KLF1: variants seen among roughly 807,000 people sequenced by gnomAD.
KLF1 encodes KLF transcription factor 1, also known as Krueppel-like factor 1.
A neutral mutation model predicts 28.0 loss-of-function variants in KLF1; 29 were observed. That is an observed-to-expected ratio of 1.04 (90% CI 0.77 to 1.41). The LOEUF (loss-of-function observed/expected upper bound fraction) is 1.41, where lower values mean the gene tolerates loss of function less well. Among genes scored for constraint, KLF1 ranks in the 40% most tolerant of loss-of-function variants. KLF1 has a pLI of 0.00. For missense variants in KLF1, 508 were observed against 515.1 expected (o/e 0.99, Z 0.13); for synonymous variants, 262 against 242.6 (o/e 1.08, Z -0.74).
chr19:12,885,207 T>A lies in KLF1; in HGVS notation c.913+110A>T. The A allele has an allele frequency of 7.5e-7, 1 of 1,331,034 alleles. No homozygotes were observed. Among genetic ancestry groups the A allele is most frequent in the Non-Finnish European group, 1.0e-6 (1 of 965,036 alleles). 82.5% of individuals were successfully genotyped at this position (1,331,034 alleles called of 1,614,324 possible). A position where few individuals can be genotyped will look rare whatever the true frequency, so the allele number is the denominator to read the frequency against. ...TAGGGCACAAAATTTAAGGAGGCAC[T>A]CACTCTCAGAGGCCAGCCAAGTCCA... On this transcript the variant is annotated intron_variant, in intron 2 of 2. Coordinates refer to ENST00000264834, the MANE Select transcript of KLF1 (RefSeq NM_006563.5). The surrounding 1 kb of genome is among the most constrained non-coding windows in gnomAD (Gnocchi z 5.6).
rs1970422536 is a variant in KLF1 at position 12,885,176 on chromosome 19, G to A, written c.914-116C>T. The A allele has an allele frequency of 5.0e-6, 7 of 1,388,232 alleles. No individual in the cohort carries two copies. Among genetic ancestry groups the A allele is most frequent in the Non-Finnish European group, 6.9e-6 (7 of 1,015,168 alleles). The allele number at this position is 1,388,232 out of a possible 1,614,324, so 86.0% of individuals were successfully genotyped here. On this transcript the variant is annotated intron_variant, in intron 2 of 2. Transcript: ENST00000264834. This position sits in a 1 kb window ranked among gnomAD's most constrained non-coding sequence, Gnocchi z 5.6. ...GCTGGGACTAGGATGAACAAAGTGA[G>A]GCCCCTAGGGCACAAAATTTAAGGA... is the stretch of plus-strand genomic sequence containing the variant.
chr19:12,885,348 G>A lies in KLF1; in HGVS notation c.882C>T (p.Ser294=), dbSNP rs367564936. 1.2e-6 allele frequency: 2 copies of A among 1,600,374 alleles called. No homozygotes were observed. The highest frequency in any genetic ancestry group is 1.7e-6 in the Non-Finnish European group (2 of 1,173,850). ...PGCGKSYTKS[S]HLKAHLRTHT... is the part of the protein sequence containing the mutation. ...GCGTGCGCAGATGCGCCTTCAGGTG[G>A]GAGCTCTTGGTGTAGCTCTTGCCGC... The change falls in exon 2 of 3, where the codon TCC becomes TCT. Residue 294 remains serine (S), a synonymous_variant. Coordinates refer to ENST00000264834, the MANE Select transcript of KLF1 (RefSeq NM_006563.5). This position sits in a 1 kb window ranked among gnomAD's most constrained non-coding sequence, Gnocchi z 5.6.
Position 12,885,760 on chromosome 19 carries a change from G to A in KLF1, c.470C>T (p.Pro157Leu), listed in dbSNP as rs1450830204. Reference sequence around the variant, plus strand: ...CGCCAGCGCCTTGGGCTCGGGGGCCGGGGCTGGAGCCAGGGCTGGGCCCAC... The same window carrying A: ...CGCCAGCGCCTTGGGCTCGGGGGCCAGGGCTGGAGCCAGGGCTGGGCCCAC... ...AFVGPALAPA[P>L]APEPKALALQ... Residue 157 changes from proline to leucine, a missense_variant, in exon 2 of 3, where the codon CCG becomes CTG. Coordinates refer to ENST00000264834, the MANE Select transcript of KLF1 (RefSeq NM_006563.5). This position sits in a 1 kb window ranked among gnomAD's most constrained non-coding sequence, Gnocchi z 5.6. 1 of 1,510,438 alleles carries A rather than the reference G, an allele frequency of 6.6e-7. No individual in the cohort carries two copies. The highest frequency in any genetic ancestry group is 2.5e-5 in the East Asian group (1 of 40,476). 93.6% of individuals were successfully genotyped at this position (1,510,438 alleles called of 1,614,324 possible).
chr19:12,885,395 G>T lies in KLF1; in HGVS notation c.835C>A (p.His279Asn). 2 of 1,605,990 alleles carry T rather than the reference G, an allele frequency of 1.2e-6. No individual in the cohort carries two copies. The highest frequency in any genetic ancestry group is 1.7e-6 in the Non-Finnish European group (2 of 1,176,816). ...RSWARKRQAAHTCAHPGCGKS... is the reference protein window; with the variant it reads ...RSWARKRQAANTCAHPGCGKS... ...CCGCAACCCGGGTGCGCGCACGTGT[G>T]CGCTGCCTGCCTCTTGCGCGCCCAC... The change falls in exon 2 of 3, where the codon CAC (histidine) becomes AAC (asparagine). Residue 279 changes from histidine to asparagine, a missense_variant. Transcript: ENST00000264834. This position sits in a 1 kb window ranked among gnomAD's most constrained non-coding sequence, Gnocchi z 5.6.
rs778399478 is a variant in KLF1, at chr19:12,885,446, C to A, written c.784G>T (p.Ala262Ser). 1.2e-6 allele frequency: 2 copies of A among 1,604,688 alleles called. No individual in the cohort carries two copies. The highest frequency in any genetic ancestry group is 1.7e-5 in the Admixed American group (1 of 58,822). The change falls in exon 2 of 3, where the codon GCG (alanine) becomes TCG (serine). Residue 262 changes from alanine to serine, a missense_variant. Coordinates refer to ENST00000264834, the MANE Select transcript of KLF1 (RefSeq NM_006563.5). This position sits in a 1 kb window ranked among gnomAD's most constrained non-coding sequence, Gnocchi z 5.6. ...AEDPGVIAET[A>S]PSKRGRRSWA... is the part of the protein sequence containing the mutation. ...GAACGTCGGCCTCGCTTGGATGGCG[C>A]GGTCTCGGCTATCACACCTGGATCC...
chr19:12,885,066 G>A lies in KLF1; in HGVS notation c.914-6C>T, dbSNP rs1217005940. On this transcript the variant is annotated splice_polypyrimidine_tract_variant and splice_region_variant and intron_variant, in intron 2 of 2. Coordinates refer to ENST00000264834, the MANE Select transcript of KLF1 (RefSeq NM_006563.5). The surrounding 1 kb of genome is among the most constrained non-coding windows in gnomAD (Gnocchi z 5.6). The stretch of plus-strand genomic sequence containing the variant: ...GCAGGCGTATGGCTTCTCCCCTAGG[G>A]GACAAGGAAGCCATAAGCGCCACTG... 3 of 1,602,962 alleles carry A rather than the reference G, an allele frequency of 1.9e-6. No homozygotes were observed. Among genetic ancestry groups the A allele is most frequent in the Non-Finnish European group, 2.5e-6 (3 of 1,179,774 alleles).
rs1261491445 is a variant in KLF1 at position 12,885,752 on chromosome 19, C to CGGG, written c.475_477dup (p.Pro159dup). ...GGTTGCAGCGCCAGCGCCTTGGGCTCGGGGGCCGGGGCTGGAGCCAGGGCT... is the reference window on the plus strand; with the variant it reads ...GGTTGCAGCGCCAGCGCCTTGGGCTCGGGGGGGGCCGGGGCTGGAGCCAGGGCT... On this transcript the variant is annotated inframe_insertion, in exon 2 of 3. Transcript: ENST00000264834. This position sits in a 1 kb window ranked among gnomAD's most constrained non-coding sequence, Gnocchi z 5.6. 2 of 1,507,814 alleles carry CGGG rather than the reference C, an allele frequency of 1.3e-6. No individual in the cohort carries two copies. The highest frequency in any genetic ancestry group is 1.8e-6 in the Non-Finnish European group (2 of 1,131,184). The allele number at this position is 1,507,814 out of a possible 1,614,324, so 93.4% of individuals were successfully genotyped here. A position where few individuals can be genotyped will look rare whatever the true frequency, so the allele number is the denominator to read the frequency against.
At position 12,885,318 on chromosome 19, in the gene KLF1, T is replaced by C. The variant is rs1970424560; in HGVS notation, c.912A>G (p.Thr304=). ...SHLKAHLRTH[T]GEKPYACTWE... is the part of the protein sequence containing the mutation. ...ATGTCCGGGGCCCCGCCCCCTCACC[T>C]GTGTGCGTGCGCAGATGCGCCTTCA... is the stretch of plus-strand genomic sequence containing the variant. The change falls in exon 2 of 3, where the codon ACA becomes ACG. Residue 304 remains threonine (T), a splice_region_variant and synonymous_variant. Transcript: ENST00000264834. This position sits in a 1 kb window ranked among gnomAD's most constrained non-coding sequence, Gnocchi z 5.6. The C allele has an allele frequency of 1.3e-6, 2 of 1,581,446 alleles. No individual in the cohort carries two copies. Among genetic ancestry groups the C allele is most frequent in the Admixed American group, 1.8e-5 (1 of 55,522 alleles).
chr19:12,886,122 C>A lies in KLF1; in HGVS notation c.108G>T (p.Ala36=), dbSNP rs781469197. The change falls in exon 2 of 3, where the codon GCG becomes GCT. Residue 36 remains alanine (A), a synonymous_variant. Coordinates refer to ENST00000264834, the MANE Select transcript of KLF1 (RefSeq NM_006563.5). ...CAGGAGGACCCGGGCCCATGTCCTG[C>A]GCCTCTTCGGAGCGCCACCACTGCG... is the stretch of plus-strand genomic sequence containing the variant. ...DFLKWWRSEE[A]QDMGPGPPDP... is the part of the protein sequence containing the mutation. 1.2e-6 allele frequency: 2 copies of A among 1,603,100 alleles called. No individual in the cohort carries two copies. Among genetic ancestry groups the A allele is most frequent in the African/African-American group, 2.7e-5 (2 of 74,816 alleles).
In KLF1 at chr19:12,885,952, G is replaced by T; in HGVS notation, c.278C>A (p.Thr93Asn). The T allele has an allele frequency of 6.4e-7, 1 of 1,571,206 alleles. No homozygotes were observed. ...SGPEPGGAPQ[T>N]CALAPSEASG... is the part of the protein sequence containing the mutation. ...GGCCTCGCTGGGCGCCAGAGCGCAGGTCTGGGGCGCGCCACCGGGCTCCGG... is the reference window on the plus strand; with the variant it reads ...GGCCTCGCTGGGCGCCAGAGCGCAGTTCTGGGGCGCGCCACCGGGCTCCGG... The change falls in exon 2 of 3, where the codon ACC (threonine) becomes AAC (asparagine). Residue 93 changes from threonine to asparagine, a missense_variant. Physicochemically the swap from Thr to Asn is moderately conservative, Grantham distance 65 (BLOSUM62 0). Transcript: ENST00000264834. The surrounding 1 kb of genome is among the most constrained non-coding windows in gnomAD (Gnocchi z 5.6).
At position 12,886,047 on chromosome 19, in the gene KLF1, C is replaced by G. The variant is rs1397310397; in HGVS notation, c.183G>C (p.Glu61Asp). The change falls in exon 2 of 3, where the codon GAG (glutamate) becomes GAC (aspartate). Residue 61 changes from glutamate (E) to aspartate (D), a missense_variant. Physicochemically the swap from Glu to Asp is conservative, Grantham distance 45. Coordinates refer to ENST00000264834, the MANE Select transcript of KLF1 (RefSeq NM_006563.5). ...CCGCGCCCCTCTCATCGTCCTCTTC[C>G]TCCCCGGGCTGGTCCTCAGACTTCA... ...LHVKSEDQPG[E>D]EEDDERGADA... The G allele has an allele frequency of 1.8e-5, 29 of 1,610,360 alleles. No homozygotes were observed. The highest frequency in any genetic ancestry group is 2.4e-5 in the Non-Finnish European group (28 of 1,179,100).
rs547950980 is a variant in KLF1, at chr19:12,884,705, G to A, written c.*180C>T. Reference sequence around the variant, plus strand: ...ATTTTCCGTAAGAGGCTCCCCCAGGGCTGTCTATGGGTCCGTGTTTGATAT... The same window carrying A: ...ATTTTCCGTAAGAGGCTCCCCCAGGACTGTCTATGGGTCCGTGTTTGATAT... On this transcript the variant is annotated 3_prime_UTR_variant, in exon 3 of 3. Transcript: ENST00000264834. The A allele has an allele frequency of 1.5e-5, 10 of 667,324 alleles. No homozygotes were observed. The East Asian group carries it at 2.5e-4, about 16-fold the overall frequency. 41.3% of individuals were successfully genotyped at this position (667,324 alleles called of 1,614,324 possible). A position where few individuals can be genotyped will look rare whatever the true frequency, so the allele number is the denominator to read the frequency against.
chr19:12,884,563 C>A lies in KLF1; in HGVS notation c.*322G>T. 1.2e-5 allele frequency: 5 copies of A among 418,594 alleles called. No homozygotes were observed. The highest frequency in any genetic ancestry group is 9.0e-5 in the South Asian group (4 of 44,632). The allele number at this position is 418,594 out of a possible 1,614,324, so 25.9% of individuals were successfully genotyped here. A position where few individuals can be genotyped will look rare whatever the true frequency, so the allele number is the denominator to read the frequency against. On this transcript the variant is annotated 3_prime_UTR_variant, in exon 3 of 3. Coordinates refer to ENST00000264834, the MANE Select transcript of KLF1 (RefSeq NM_006563.5). ...CACACCCTCTCCTGCTGTCCAGGGCCATCTGGGAGCTGGTCTGAGTGTCCA... is the reference window on the plus strand; with the variant it reads ...CACACCCTCTCCTGCTGTCCAGGGCAATCTGGGAGCTGGTCTGAGTGTCCA...
chr19:12,884,494 C>G lies in KLF1; in HGVS notation c.*391G>C. ...AATATCAGCCACAATAAGGGACCTT[C>G]AGGAGCCGCTTTCTAGACCCAGGGT... is the stretch of plus-strand genomic sequence containing the variant. On this transcript the variant is annotated 3_prime_UTR_variant, in exon 3 of 3. Transcript: ENST00000264834. The G allele has an allele frequency of 4.1e-6, 1 of 246,786 alleles. No individual in the cohort carries two copies. The highest frequency in any genetic ancestry group is 8.1e-6 in the Non-Finnish European group (1 of 123,922). 15.3% of individuals were successfully genotyped at this position (246,786 alleles called of 1,614,324 possible). A position where few individuals can be genotyped will look rare whatever the true frequency, so the allele number is the denominator to read the frequency against.
chr19:12,886,310 T>TCC (rs113487247), intron 1 of KLF1, among the ~76,000 whole-genome samples, 168 bp from the exon 2 acceptor site: 6 of 148,500 alleles, frequency 4.0e-5, no homozygotes, highest in African/African-American at 1.5e-4. Flanking sequence ...CTCTCCCCGC[T>TCC]CCCCCCCCAG....
rs908131681 is a variant in KLF1 at position 12,885,334 on chromosome 19, T to C, written c.896A>G (p.His299Arg). 1.3e-6 allele frequency: 2 copies of C among 1,594,258 alleles called. No homozygotes were observed. Among genetic ancestry groups the C allele is most frequent in the Non-Finnish European group, 1.7e-6 (2 of 1,170,544 alleles). Residue 299 changes from histidine (H) to arginine (R), a missense_variant, in exon 2 of 3, where the codon CAT becomes CGT. Coordinates refer to ENST00000264834, the MANE Select transcript of KLF1 (RefSeq NM_006563.5). The surrounding 1 kb of genome is among the most constrained non-coding windows in gnomAD (Gnocchi z 5.6). Reference protein sequence around the residue: ...SYTKSSHLKAHLRTHTGEKPY... With the variant: ...SYTKSSHLKARLRTHTGEKPY... Reference sequence around the variant, plus strand: ...CCCCTCACCTGTGTGCGTGCGCAGATGCGCCTTCAGGTGGGAGCTCTTGGT... The same window carrying C: ...CCCCTCACCTGTGTGCGTGCGCAGACGCGCCTTCAGGTGGGAGCTCTTGGT...
rs777102255 is a variant in KLF1, at chr19:12,885,293, A to G, written c.913+24T>C. On this transcript the variant is annotated intron_variant, in intron 2 of 2. Coordinates refer to ENST00000264834, the MANE Select transcript of KLF1 (RefSeq NM_006563.5). This position sits in a 1 kb window ranked among gnomAD's most constrained non-coding sequence, Gnocchi z 5.6. ...TACAGCGGGCGCCGCGCCCTTTCTC[A>G]TGTCCGGGGCCCCGCCCCCTCACCT... The G allele has an allele frequency of 3.1e-5, 48 of 1,551,272 alleles. No individual in the cohort carries two copies. In the Admixed American group the frequency reaches 6.7e-4, roughly 22 times the overall value.
Position 12,884,915 on chromosome 19 carries a change from G to C in KLF1, c.1059C>G (p.His353Gln). The C allele has an allele frequency of 6.2e-7, 1 of 1,613,994 alleles. No individual in the cohort carries two copies. Among genetic ancestry groups the C allele is most frequent in the Non-Finnish European group, 8.5e-7 (1 of 1,180,036 alleles). ...GGTGGCGCTTCATGTGCAAGGCCAG[G>C]TGGTCAGAGCGCGAAAAAGCACGTG... is the stretch of plus-strand genomic sequence containing the variant. ...LCPRAFSRSD[H>Q]LALHMKRHL is the part of the protein sequence containing the mutation. Residue 353 changes from histidine (H) to glutamine (Q), a missense_variant, in exon 3 of 3, where the codon CAC becomes CAG. Coordinates refer to ENST00000264834, the MANE Select transcript of KLF1 (RefSeq NM_006563.5).
rs886597182 is a variant in KLF1 at position 12,884,810 on chromosome 19, C to T, written c.*75G>A. On this transcript the variant is annotated 3_prime_UTR_variant, in exon 3 of 3. Coordinates refer to ENST00000264834, the MANE Select transcript of KLF1 (RefSeq NM_006563.5). ...CACCCAGCATTGTGTCACGCGCGTC[C>T]GTGTGAAGAGACCACCAAACAGGCT... 7.9e-6 allele frequency: 12 copies of T among 1,516,342 alleles called. No individual in the cohort carries two copies. The highest frequency in any genetic ancestry group is 4.5e-5 in the East Asian group (2 of 44,462). 93.9% of individuals were successfully genotyped at this position (1,516,342 alleles called of 1,614,324 possible).
Sources: gnomAD v4.1 joint callset for allele counts (sites outside exome capture counted in the v4.1 genomes callset) on GRCh38, gnomAD v4.1.1 for gene constraint, Gnocchi (gnomAD v3.1) non-coding constraint, MANE v1.5 for transcripts, NCBI Gene and HGNC (gene_info 2026-07-23, HGNC 2026-07-21) for gene names.